The following RUVBL1 variants were observed in gnomAD, a reference collection of about 807,000 sequenced individuals.
The protein encoded by RUVBL1 is ruvB-like 1.
A neutral mutation model predicts 52.4 loss-of-function variants in RUVBL1; 4 were observed. The observed-to-expected ratio is 0.08, with a 90% CI of 0.04 to 0.17. The LOEUF is 0.17. Among genes scored for constraint, RUVBL1 ranks in the 10% least tolerant of loss-of-function variants. The pLI is 1.00. For synonymous variants in RUVBL1, 217 were observed against 214.4 expected (o/e 1.01, Z -0.10); for missense variants, 298 against 572.8 (o/e 0.52, Z 4.90).
At chr3:128,150,841 AT>A (rs1944183579) in intron 1 of RUVBL1, among the ~76,000 whole-genome samples, 1 of 80,144 alleles carries the variant, frequency 1.2e-5, no homozygotes, top group Admixed American at 2.1e-4. Flanking sequence ...TATATATTCT[AT>A]ATATATTCTA....
At chr3:128,153,894 C>A in exon 1 of RUVBL1, 1 of 1,428,170 alleles carries the variant, frequency 7.0e-7, no homozygotes, top group South Asian at 1.5e-5. Flanking sequence ...TGTCCGAATT[C>A]GCTCGAGCCT....
intron 9 of RUVBL1, chr3:128,071,030 T>A (rs886444313): frequency 8.5e-5 from 13 of 152,310 alleles, no homozygotes; most frequent in African/African-American, 3.1e-4. Flanking sequence ...TGGGGGTGCG[T>A]GCAGCCTGTC....
chr3:128,080,677 G>A (rs540663893), downstream of RUVBL1, among the ~76,000 whole-genome samples: 1 of 152,114 alleles, frequency 6.6e-6, no homozygotes, highest in Non-Finnish European at 1.5e-5. Flanking sequence ...AAACTGTCAG[G>A]GTCATCAAGA....
At chr3:128,130,224 A>C (rs6439116) in intron 1 of RUVBL1, among the ~76,000 whole-genome samples, 21,455 of 151,978 alleles carry the variant, frequency 0.14, 1,714 homozygotes, top group African/African-American at 0.21. Context: ...ACTATTTACT[A>C]TACAGAAATA....
chr3:128,111,933 C>A (rs1282068483), intron 3 of RUVBL1, among the ~76,000 whole-genome samples: 1 of 152,178 alleles, frequency 6.6e-6, no homozygotes, highest in East Asian at 1.9e-4. Flanking sequence ...CATACTCGCA[C>A]ATGTGCACAA....
intron 7 of RUVBL1, among the ~76,000 whole-genome samples, chr3:128,098,578 C>T (rs1943037155): frequency 1.3e-5 from 2 of 152,168 alleles, no homozygotes; most frequent in African/African-American, 4.8e-5. Context: ...AGGGAGGGGG[C>T]TGACAGCCCC....
At chr3:128,100,477 G>T in intron 6 of RUVBL1, 118 bp downstream of exon 6, 1 of 1,229,378 alleles carries the variant, frequency 8.1e-7, no homozygotes, top group Non-Finnish European at 1.1e-6. Flanking sequence ...GAACATTACA[G>T]ATAGAAAAGG....
At chr3:128,149,887 C>T (rs568771959) in intron 1 of RUVBL1, among the ~76,000 whole-genome samples, 1 of 152,362 alleles carries the variant, frequency 6.6e-6, no homozygotes, top group East Asian at 1.9e-4. Flanking sequence ...TTTGATGCTT[C>T]AGAAGGCCAC....
chr3:128,127,310 A>G (rs1943807673), upstream of RUVBL1, among the ~76,000 whole-genome samples: 1 of 152,184 alleles, frequency 6.6e-6, no homozygotes. Flanking sequence ...GTAGTGACAC[A>G]TATGTAAGTA....
In RUVBL1 at chr3:128,097,158, CCACTTGGCA is replaced by C; in HGVS notation, c.1016+133_1016+141del. 3 of 790,950 alleles carry C rather than the reference CCACTTGGCA, an allele frequency of 3.8e-6. No individual in the cohort carries two copies. The South Asian group carries it at 5.1e-5, about 13-fold the overall frequency. The allele number at this position is 790,950 out of a possible 1,614,324, so 49.0% of individuals were successfully genotyped here. The stretch of plus-strand genomic sequence containing the variant: ...CTAGGGAAATGAGGCCAGAGGCAAG[CCACTTGGCA>C]CATTTTCCCTCAAAAACAACATGAC... On this transcript the variant is annotated intron_variant, in intron 8 of 10. Transcript: ENST00000322623.
chr3:128,086,009 C>T (rs1223408977), intron 9 of RUVBL1, among the ~76,000 whole-genome samples: 1 of 152,188 alleles, frequency 6.6e-6, no homozygotes, highest in African/African-American at 2.4e-5. Context: ...GCAGTGTCCT[C>T]ATCTGTCTTT....
At chr3:128,090,313 C>T (rs978025213) in intron 8 of RUVBL1, among the ~76,000 whole-genome samples, 1 of 152,172 alleles carries the variant, frequency 6.6e-6, no homozygotes, top group Non-Finnish European at 1.5e-5. Flanking sequence ...GGGCAGATCA[C>T]GAGGTCAGGA....
intron 1 of RUVBL1, among the ~76,000 whole-genome samples, chr3:128,123,312 G>A (rs761465383): frequency 6.6e-6 from 1 of 152,172 alleles, no homozygotes; most frequent in Non-Finnish European, 1.5e-5. Context: ...TTAAGGGGAC[G>A]GGGTTGTGTG....
intron 8 of RUVBL1, among the ~76,000 whole-genome samples, chr3:128,092,944 C>CAGTT (rs1377304235): frequency 1.3e-5 from 2 of 151,998 alleles, no homozygotes; most frequent in African/African-American, 4.8e-5. Flanking sequence ...GAGGCTGAGG[C>CAGTT]AGGAGGATCC....
chr3:128,148,345 A>C (rs116201938), intron 1 of RUVBL1, among the ~76,000 whole-genome samples: 60 of 152,260 alleles, frequency 3.9e-4, no homozygotes, highest in African/African-American at 1.4e-3. Context: ...TTTTTAATGA[A>C]TTGGATGTGG....
At chr3:128,138,304 A>G (rs1044892400) in intron 1 of RUVBL1, among the ~76,000 whole-genome samples, 2 of 152,136 alleles carry the variant, frequency 1.3e-5, no homozygotes, top group African/African-American at 4.8e-5. Context: ...GATTACATGC[A>G]CACACACACA....
chr3:128,137,629 C>A (rs960650554), intron 1 of RUVBL1, among the ~76,000 whole-genome samples: 2 of 152,144 alleles, frequency 1.3e-5, no homozygotes, highest in African/African-American at 2.4e-5. Flanking sequence ...GAACTAATAT[C>A]AATCCTCCTC....
At chr3:128,123,265 G>A (rs1440570686) in intron 1 of RUVBL1, among the ~76,000 whole-genome samples, 2 of 152,084 alleles carry the variant, frequency 1.3e-5, no homozygotes, top group African/African-American at 2.4e-5. Context: ...CTTAATTCCC[G>A]CTGTATCCCA....
chr3:128,113,085 G>A, intron 2 of RUVBL1, 65 bp from the exon 3 acceptor site: 1 of 1,567,272 alleles, frequency 6.4e-7, no homozygotes, highest in African/African-American at 1.4e-5. Context: ...AGAAACACAT[G>A]CTACAGAACC....
Sources: gnomAD v4.1 joint callset for allele counts (sites outside exome capture counted in the v4.1 genomes callset) on GRCh38, gnomAD v4.1.1 for gene constraint, MANE v1.5 for transcripts, NCBI Gene and HGNC (gene_info 2026-07-23, HGNC 2026-07-21) for gene names.